The following ARHGAP6 variants were observed in gnomAD, a reference collection of about 807,000 sequenced individuals.
ARHGAP6 encodes the protein Rho GTPase activating protein 6.
In ARHGAP6, 16 loss-of-function variants were observed where a neutral mutation model predicts 55.7. That is an observed-to-expected ratio of 0.29 (90% confidence interval 0.19 to 0.44). The LOEUF (loss-of-function observed/expected upper bound fraction) is 0.44. Among genes scored for constraint, ARHGAP6 ranks in the 20% least tolerant of loss-of-function variants. The pLI, the probability that ARHGAP6 is intolerant of heterozygous loss-of-function variation, is 1.00. For synonymous variants in ARHGAP6, 382 were observed against 360.9 expected (o/e 1.06, Z -0.66); for missense variants, 698 against 808.9 (o/e 0.86, Z 1.66).
chrX:11,172,001 C>T lies in ARHGAP6; in HGVS notation c.1630-2317G>A, dbSNP rs145970234. Among the ~76,000 whole-genome samples, 3 of 111,783 alleles carry T rather than the reference C, an allele frequency of 2.7e-5. No individual in the cohort carries two copies. The East Asian group carries it at 8.5e-4, about 31-fold the overall frequency. On this transcript the variant is annotated intron_variant, in intron 8 of 12. Coordinates refer to ENST00000337414, the MANE Select transcript of ARHGAP6 (RefSeq NM_013427.3). ...AGAGTCAGGATAAGTATGGGAACTG[C>T]GTCTGCTTGGTGGGGATCTTTTGCC...
intron 1 of ARHGAP6, among the ~76,000 whole-genome samples, chrX:11,406,871 G>GT (rs756584621): frequency 3.1e-3 from 310 of 101,128 alleles, no homozygotes; most frequent in South Asian, 0.011. Flanking sequence ...TAAATGGGGA[G>GT]TTTTTTTTTT....
At position 11,243,603 on chromosome X, in the gene ARHGAP6, CT is replaced by C. The variant is rs774214714; in HGVS notation, c.748+10944del. Among the ~76,000 whole-genome samples the C allele has an allele frequency of 4.5e-5, 5 of 111,842 alleles. No homozygotes were observed. The East Asian group carries it at 1.1e-3, about 25-fold the overall frequency. On this transcript the variant is annotated intron_variant, in intron 2 of 12. Coordinates refer to ENST00000337414, the MANE Select transcript of ARHGAP6 (RefSeq NM_013427.3). ...TAAAAATATTGACTTTTATTTTTTGCTTAATGCCACCAAAGGAACTCATCTC... is the reference window on the plus strand; with the variant it reads ...TAAAAATATTGACTTTTATTTTTTGCTAATGCCACCAAAGGAACTCATCTC...
intron 2 of ARHGAP6, among the ~76,000 whole-genome samples, chrX:11,199,772 C>A (rs2046593661): frequency 8.9e-6 from 1 of 112,204 alleles, no homozygotes. Context: ...AATTTTTTCA[C>A]TTAATTAGAT....
At chrX:11,554,848 G>A (rs1294258929) in intron 1 of ARHGAP6, among the ~76,000 whole-genome samples, 1 of 112,028 alleles carries the variant, frequency 8.9e-6, no homozygotes, top group Admixed American at 9.5e-5. Context: ...TTGATAAAGT[G>A]TCAAAACGCA....
chrX:11,179,731 T>C (rs890523082), intron 6 of ARHGAP6, among the ~76,000 whole-genome samples: 1 of 98,409 alleles, frequency 1.0e-5, no homozygotes, highest in African/African-American at 3.8e-5. Context: ...ATATATGTAT[T>C]GTATATGTAT....
At chrX:11,494,278 A>G (rs59083437) in intron 1 of ARHGAP6, among the ~76,000 whole-genome samples, 9,121 of 111,676 alleles carry the variant, frequency 0.082, 413 homozygotes, top group East Asian at 0.18. Context: ...ATTCCTTCTA[A>G]TATGTTTTCT....
At chrX:11,579,625 G>A (rs2051642298) in intron 1 of ARHGAP6, among the ~76,000 whole-genome samples, 1 of 111,732 alleles carries the variant, frequency 8.9e-6, no homozygotes, top group South Asian at 3.8e-4. Context: ...ACTTATCTGG[G>A]GGCAGAGCCC....
intron 2 of ARHGAP6, chrX:11,221,467 A>T (rs1297314149): frequency 6.5e-6 from 1 of 153,954 alleles, no homozygotes; most frequent in Non-Finnish European, 1.4e-5. Flanking sequence ...AGTGGACAAG[A>T]CTGTCTTAAA....
chrX:11,437,622 T>G (rs1339460227), intron 1 of ARHGAP6, among the ~76,000 whole-genome samples: 1 of 112,436 alleles, frequency 8.9e-6, no homozygotes, highest in Admixed American at 9.4e-5. Context: ...AGTCTGGTCC[T>G]GAGGGAAGCT....
intron 1 of ARHGAP6, among the ~76,000 whole-genome samples, chrX:11,481,504 T>A (rs1242579489): frequency 1.8e-5 from 2 of 111,862 alleles, no homozygotes; most frequent in African/African-American, 6.5e-5. Flanking sequence ...ACAGGCAGAG[T>A]GGGGACTCCA....
intron 1 of ARHGAP6, among the ~76,000 whole-genome samples, chrX:11,607,024 G>A (rs935584165): frequency 1.0e-3 from 112 of 111,975 alleles, no homozygotes; most frequent in African/African-American, 3.2e-3. Context: ...ATTTGATTAA[G>A]TAGGATTTTG....
chrX:11,516,709 C>T (rs1164306252), intron 1 of ARHGAP6, among the ~76,000 whole-genome samples: 2 of 112,062 alleles, frequency 1.8e-5, no homozygotes, highest in Admixed American at 1.9e-4. Context: ...ATTGATATTT[C>T]TTTTGAAACA....
At chrX:11,629,931 A>T (rs903262324) in intron 1 of ARHGAP6, among the ~76,000 whole-genome samples, 6 of 111,568 alleles carry the variant, frequency 5.4e-5, no homozygotes, top group Admixed American at 9.6e-5. Context: ...TACCAAAACA[A>T]AACTTCTCCC....
rs747089852 is a variant in ARHGAP6, at chrX:11,358,791, T to C, written c.589-104084A>G. Among the ~76,000 whole-genome samples the C allele has an allele frequency of 4.5e-5, 5 of 111,882 alleles. No homozygotes were observed. The South Asian group carries it at 1.9e-3, about 42-fold the overall frequency. ...GCCACCGTGCCCGGCCTTAACTATATCTTAATTGTTTTCCTCAGGTAGCTA... is the reference window on the plus strand; with the variant it reads ...GCCACCGTGCCCGGCCTTAACTATACCTTAATTGTTTTCCTCAGGTAGCTA... On this transcript the variant is annotated intron_variant, in intron 1 of 12. Transcript: ENST00000337414.
intron 2 of ARHGAP6, among the ~76,000 whole-genome samples, chrX:11,233,128 C>A (rs1385958150): frequency 8.9e-6 from 1 of 112,438 alleles, no homozygotes; most frequent in East Asian, 2.8e-4. Flanking sequence ...TCAAAGTTCC[C>A]ATTTTCCATG....
chrX:11,662,022 A>G (rs1280599505), intron 1 of ARHGAP6, among the ~76,000 whole-genome samples: 2 of 112,264 alleles, frequency 1.8e-5, no homozygotes. Context: ...GCCAAGGCTG[A>G]GAAACCCTGA....
At position 11,575,211 on chromosome X, in the gene ARHGAP6, A is replaced by G. The variant is rs954140123; in HGVS notation, c.588+89030T>C. On this transcript the variant is annotated intron_variant, in intron 1 of 12. Transcript: ENST00000337414. ...TGCCATTTTCTAGGCCATTCCATGGAGTACACAGATTGAACATGAGGATGC... is the reference window on the plus strand; with the variant it reads ...TGCCATTTTCTAGGCCATTCCATGGGGTACACAGATTGAACATGAGGATGC... Among the ~76,000 whole-genome samples the G allele has an allele frequency of 1.3e-4, 15 of 111,780 alleles. No individual in the cohort carries two copies. In the Admixed American group the frequency reaches 1.4e-3, roughly 11 times the overall value.
intron 1 of ARHGAP6, among the ~76,000 whole-genome samples, chrX:11,261,534 T>C (rs1054857868): frequency 8.9e-6 from 1 of 111,886 alleles, no homozygotes; most frequent in Non-Finnish European, 1.9e-5. Context: ...ATCTAGTCTT[T>C]TGAGTGATCA....
At chrX:11,206,047 T>C (rs1019017774) in intron 2 of ARHGAP6, among the ~76,000 whole-genome samples, 6 of 111,804 alleles carry the variant, frequency 5.4e-5, no homozygotes, top group African/African-American at 1.9e-4. Context: ...ATGTTCTGCA[T>C]GCAGAGTGAG....
Sources: gnomAD v4.1 joint callset for allele counts (sites outside exome capture counted in the v4.1 genomes callset) on GRCh38, gnomAD v4.1.1 for gene constraint, MANE v1.5 for transcripts, NCBI Gene and HGNC (gene_info 2026-07-23, HGNC 2026-07-21) for gene names.